The following PITPNM3 variants were observed in gnomAD, a reference collection of about 807,000 sequenced individuals.
The protein encoded by PITPNM3 is membrane-associated phosphatidylinositol transfer protein 3.
PITPNM3 carries 26 observed loss-of-function variants against 102.0 expected under a neutral mutation model. That is an observed-to-expected ratio of 0.25 (90% CI 0.19 to 0.35). The LOEUF is 0.35. PITPNM3 is among the 10% of genes least tolerant of loss of function. The pLI is 1.00. For synonymous variants in PITPNM3, 578 were observed against 558.6 expected (o/e 1.03, Z -0.49); for missense variants, 1,083 against 1,346.1 (o/e 0.80, Z 3.06).
chr17:6,556,399 T>C lies in PITPNM3; in HGVS notation c.8A>G (p.Lys3Arg). 7.5e-7 allele frequency: 1 copy of C among 1,335,248 alleles called. No individual in the cohort carries two copies. The highest frequency in any genetic ancestry group is 9.6e-7 in the Non-Finnish European group (1 of 1,044,216). The allele number at this position is 1,335,248 out of a possible 1,614,324, so 82.7% of individuals were successfully genotyped here. Residue 3 changes from lysine to arginine, a missense_variant, in exon 1 of 20, where the codon AAG becomes AGG. Lys to Arg is a conservative substitution (Grantham distance 26). Transcript: ENST00000262483. The surrounding 1 kb of genome is among the most constrained non-coding windows in gnomAD (Gnocchi z 5.2). MAKAGRAGGPPPG... is the reference protein window; with the variant it reads MARAGRAGGPPPG... ...CCCGCCCTCACCTGCACGGCCCGCC[T>C]TGGCCATGTCCCGGGCGGCGGGCTC...
In PITPNM3 at chr17:6,506,593, G is replaced by A. The variant is rs137905275; in HGVS notation, c.227-3019C>T. 6.0e-3 allele frequency among the ~76,000 whole-genome samples: 909 copies of A among 152,206 alleles called. 20 individuals are homozygous for A. The highest frequency in any genetic ancestry group is 0.039 in the East Asian group (203 of 5,158). On this transcript the variant is annotated intron_variant, in intron 3 of 19. Transcript: ENST00000262483. ...TACCATGTTGGCCAAGATGGTCTCA[G>A]TCTCTTGACCTGGTGATCTGCCCAC...
intron 2 of PITPNM3, among the ~76,000 whole-genome samples, chr17:6,533,613 C>T (rs1368856994): frequency 6.6e-6 from 1 of 151,982 alleles, no homozygotes; most frequent in Non-Finnish European, 1.5e-5. Flanking sequence ...TGTCACCATG[C>T]CCAGCTAATT....
intron 4 of PITPNM3, among the ~76,000 whole-genome samples, chr17:6,491,101 G>T (rs1305419927): frequency 1.3e-4 from 12 of 93,736 alleles, no homozygotes; most frequent in African/African-American, 5.5e-4. Context: ...GGAAGGGAGG[G>T]GAGGGGAGGG....
At position 6,455,303 on chromosome 17, in the gene PITPNM3, G is replaced by A. The variant is rs1159642666; in HGVS notation, c.*35C>T. The A allele has an allele frequency of 5.9e-6, 9 of 1,533,428 alleles. No homozygotes were observed. The highest frequency in any genetic ancestry group is 7.0e-6 in the Non-Finnish European group (8 of 1,143,952). 95.0% of individuals were successfully genotyped at this position (1,533,428 alleles called of 1,614,324 possible). The stretch of plus-strand genomic sequence containing the variant: ...CCGTCCCCGCAGGCAGCCTGATTGG[G>A]CCCCCCGCTCCCTGCTCTGAGCACA... On this transcript the variant is annotated 3_prime_UTR_variant, in exon 20 of 20. Coordinates refer to ENST00000262483, the MANE Select transcript of PITPNM3 (RefSeq NM_031220.4).
At position 6,470,114 on chromosome 17, in the gene PITPNM3, T is replaced by C. The variant is rs1183219297; in HGVS notation, c.1773+146A>G. 1 of 930,960 alleles carries C rather than the reference T, an allele frequency of 1.1e-6. No individual in the cohort carries two copies. 57.7% of individuals were successfully genotyped at this position (930,960 alleles called of 1,614,324 possible). A position where few individuals can be genotyped will look rare whatever the true frequency, so the allele number is the denominator to read the frequency against. ...CTGGTCATGTCACTCCCCACTCACG[T>C]AGGTGCTCCAATGCCTTCCTCATGC... On this transcript the variant is annotated intron_variant, in intron 13 of 19. Transcript: ENST00000262483. This position sits in a 1 kb window ranked among gnomAD's most constrained non-coding sequence, Gnocchi z 4.8.
intron 1 of PITPNM3, among the ~76,000 whole-genome samples, chr17:6,554,261 A>G (rs1910476400): frequency 6.8e-6 from 1 of 147,368 alleles, no homozygotes. Context: ...CGGAGGTTGC[A>G]GTGAGCCGAG....
chr17:6,461,472 G>C lies in PITPNM3; in HGVS notation c.2391C>G (p.Ser797=). 2 of 1,614,214 alleles carry C rather than the reference G, an allele frequency of 1.2e-6. No individual in the cohort carries two copies. Among genetic ancestry groups the C allele is most frequent in the South Asian group, 2.2e-5 (2 of 91,092 alleles). ...MQKQRVVSWL[S]QHNFPQGMIF... ...TCATGCCCTGTGGGAAGTTGTGCTG[G>C]GACAGCCACGACACCACCCGCTGCT... is the stretch of plus-strand genomic sequence containing the variant. The change falls in exon 18 of 20, where the codon TCC becomes TCG. Residue 797 remains serine, a synonymous_variant. Transcript: ENST00000262483.
chr17:6,482,949 CTT>C (rs139179907), intron 6 of PITPNM3, among the ~76,000 whole-genome samples: 8 of 144,276 alleles, frequency 5.5e-5, no homozygotes, highest in African/African-American at 1.5e-4. Context: ...CACTCCGTGT[CTT>C]TTTTTTTTTT....
chr17:6,464,838 G>C, intron 14 of PITPNM3, 67 bp from the exon 15 acceptor site: 3 of 1,441,026 alleles, frequency 2.1e-6, no homozygotes, highest in Non-Finnish European at 2.9e-6. Context: ...TATCATTGCA[G>C]TGTTCCTCAG....
At chr17:6,510,973 T>C (rs1436423460) in intron 3 of PITPNM3, among the ~76,000 whole-genome samples, 1 of 151,740 alleles carries the variant, frequency 6.6e-6, no homozygotes, top group South Asian at 2.1e-4. Context: ...ACAGTGGGGG[T>C]GGAAGAGGAG....
intron 1 of PITPNM3, 109 bp from the exon 2 acceptor site, chr17:6,538,191 G>A (rs1420272589): frequency 1.3e-6 from 1 of 788,836 alleles, no homozygotes; most frequent in Non-Finnish European, 2.2e-6. Context: ...CTGCACATCT[G>A]TGCCCTCTCC....
At chr17:6,473,803 T>A (rs1340373441) in intron 10 of PITPNM3, among the ~76,000 whole-genome samples, 1 of 151,752 alleles carries the variant, frequency 6.6e-6, no homozygotes, top group Non-Finnish European at 1.5e-5. Flanking sequence ...ATGGTGAAAC[T>A]CCATCTCTAC....
chr17:6,461,707 C>T lies in PITPNM3; in HGVS notation c.2307-151G>A, dbSNP rs1904470351. The T allele has an allele frequency of 5.5e-6, 5 of 903,380 alleles. No homozygotes were observed. The South Asian group carries it at 5.5e-5, about 10-fold the overall frequency. The allele number at this position is 903,380 out of a possible 1,614,324, so 56.0% of individuals were successfully genotyped here. On this transcript the variant is annotated intron_variant, in intron 17 of 19. Transcript: ENST00000262483. ...GAACAAGGGGGACCCCGAATCCCCTCTCTGGGCTGAGCCCTGGACATCTCC... is the reference window on the plus strand; with the variant it reads ...GAACAAGGGGGACCCCGAATCCCCTTTCTGGGCTGAGCCCTGGACATCTCC...
chr17:6,541,118 C>A (rs1909709411), intron 1 of PITPNM3, among the ~76,000 whole-genome samples: 1 of 152,164 alleles, frequency 6.6e-6, no homozygotes. Context: ...CTCTTCCCTG[C>A]ATCTCTTCCT....
intron 1 of PITPNM3, among the ~76,000 whole-genome samples, chr17:6,548,735 A>G (rs538119011): frequency 1.8e-4 from 27 of 152,162 alleles, no homozygotes; most frequent in Middle Eastern, 3.4e-3. Context: ...TCTCTCCCCA[A>G]GGAGGGCAGG....
chr17:6,461,292 G>T (rs1251792072), intron 18 of PITPNM3, 81 bp downstream of exon 18: 1 of 1,503,064 alleles, frequency 6.7e-7, no homozygotes, highest in Non-Finnish European at 9.2e-7. Context: ...GGCCCCACCC[G>T]GGAGGAGGGA....
In PITPNM3 at chr17:6,458,999, C is replaced by T. The variant is rs1269228990; in HGVS notation, c.2491-1277G>A. Among the ~76,000 whole-genome samples, 3 of 152,186 alleles carry T rather than the reference C, an allele frequency of 2.0e-5. No individual in the cohort carries two copies. The highest frequency in any genetic ancestry group is 6.5e-5 in the Admixed American group (1 of 15,276). ...AGGAGAGGGCTTCCTCAGCCCACTG[C>T]CCCTCACCTCAATGGTTGGTTTATT... On this transcript the variant is annotated intron_variant, in intron 18 of 19. Transcript: ENST00000262483. This position sits in a 1 kb window ranked among gnomAD's most constrained non-coding sequence, Gnocchi z 5.1.
chr17:6,474,408 G>A (rs1905201086), intron 10 of PITPNM3, 24 bp downstream of exon 10: 1 of 1,611,472 alleles, frequency 6.2e-7, no homozygotes. Context: ...AGGCACCTCA[G>A]GCCCCAGCCC....
rs755886622 is a variant in PITPNM3 at position 6,503,534 on chromosome 17, C to T, written c.267G>A (p.Glu89=). The change falls in exon 4 of 20, where the codon GAG becomes GAA. Residue 89 remains glutamate (E), a synonymous_variant. Transcript: ENST00000262483. ...GGGTCAGGCTTGACTCACGCTGCTT[C>T]TCCTGGAGGATGCTGGATGTGCACG... is the stretch of plus-strand genomic sequence containing the variant. ...TAPCTSSILQ[E]KQRELYRVSL... The T allele has an allele frequency of 8.7e-6, 14 of 1,612,846 alleles. No homozygotes were observed. Among genetic ancestry groups the T allele is most frequent in the Non-Finnish European group, 1.2e-5 (14 of 1,180,008 alleles).
Sources: gnomAD v4.1 joint callset for allele counts (sites outside exome capture counted in the v4.1 genomes callset) on GRCh38, gnomAD v4.1.1 for gene constraint, Gnocchi (gnomAD v3.1) non-coding constraint, MANE v1.5 for transcripts, NCBI Gene and HGNC (gene_info 2026-07-23, HGNC 2026-07-21) for gene names.